Variants in PHF20 observed in about 807,000 individuals in gnomAD.
PHF20 encodes the protein glioma-expressed antigen 2.
PHF20 carries 23 observed loss-of-function variants against 113.5 expected under a neutral mutation model. The observed-to-expected ratio is 0.20, with a 90% confidence interval of 0.15 to 0.29. The LOEUF is 0.29. Ranked by LOEUF, PHF20 falls within the 10% of genes least tolerant of loss-of-function variation. The pLI, the probability that PHF20 is intolerant of heterozygous loss-of-function variation, is 1.00. For synonymous variants in PHF20, 434 were observed against 457.3 expected (o/e 0.95, Z 0.65); for missense variants, 943 against 1,219.6 (o/e 0.77, Z 3.38).
intron 10 of PHF20, among the ~76,000 whole-genome samples, 187 bp from the exon 11 acceptor site, chr20:35,913,062 C>T (rs1455720072): frequency 1.3e-5 from 2 of 152,128 alleles, no homozygotes; most frequent in African/African-American, 4.8e-5. Flanking sequence ...GGCCATGGGC[C>T]AGAGTGTGCT....
At position 35,917,575 on chromosome 20, in the gene PHF20, T is replaced by C. The variant is rs375801512; in HGVS notation, c.1917T>C (p.Asp639=). The change falls in exon 13 of 18, where the codon GAT becomes GAC. Residue 639 remains aspartate (D), a synonymous_variant. Transcript: ENST00000374012. ...GQDVDVTTNP[D]EELDGDDRYD... ...ATGTGGATGTGACCACCAACCCAGA[T>C]GAGGAACTTGATGGGGATGACCGCT... 1.5e-5 allele frequency: 25 copies of C among 1,614,000 alleles called. No homozygotes were observed. Among genetic ancestry groups the C allele is most frequent in the Non-Finnish European group, 1.9e-5 (23 of 1,179,946 alleles).
chr20:35,835,538 A>G (rs2042424791), intron 2 of PHF20, among the ~76,000 whole-genome samples: 1 of 152,236 alleles, frequency 6.6e-6, no homozygotes, highest in Admixed American at 6.5e-5. Context: ...CACCAAGTAG[A>G]GACTTATTAA....
rs531346158 is a variant in PHF20, at chr20:35,894,893, T to C, written c.1283-4477T>C. 1.8e-3 allele frequency among the ~76,000 whole-genome samples: 273 copies of C among 152,340 alleles called. 1 individual carries two copies. The highest frequency in any genetic ancestry group is 6.3e-3 in the African/African-American group (262 of 41,586). The stretch of plus-strand genomic sequence containing the variant: ...TTTTTGAGACGGAGTCTCACTCTTG[T>C]CACCCAGGCTAGAGTGCAATGGCAC... On this transcript the variant is annotated intron_variant, in intron 9 of 17. Transcript: ENST00000374012.
intron 10 of PHF20, among the ~76,000 whole-genome samples, chr20:35,912,117 A>T (rs570453654): frequency 6.6e-6 from 1 of 151,464 alleles, no homozygotes; most frequent in Non-Finnish European, 1.5e-5. Flanking sequence ...AGTAGCTGGG[A>T]TTACAGGCAC....
intron 12 of PHF20, among the ~76,000 whole-genome samples, chr20:35,916,931 T>C (rs2055414494): frequency 6.6e-6 from 1 of 152,156 alleles, no homozygotes; most frequent in African/African-American, 2.4e-5. Flanking sequence ...CCAGCTAATT[T>C]TTTTTTTCTT....
intron 9 of PHF20, among the ~76,000 whole-genome samples, chr20:35,896,799 CAA>C (rs34377497): frequency 9.6e-5 from 6 of 62,484 alleles, no homozygotes; most frequent in Non-Finnish European, 6.5e-5. Context: ...GACTCCGTCT[CAA>C]AAAAAAAAAA....
chr20:35,824,441 T>C (rs1361545625), intron 2 of PHF20, among the ~76,000 whole-genome samples: 1 of 151,994 alleles, frequency 6.6e-6, no homozygotes, highest in Non-Finnish European at 1.5e-5. Flanking sequence ...ACCCTGTCTC[T>C]ACTAAAAATA....
chr20:35,795,804 T>A (rs1482912823), intron 1 of PHF20, among the ~76,000 whole-genome samples: 1 of 152,146 alleles, frequency 6.6e-6, no homozygotes, highest in African/African-American at 2.4e-5. Flanking sequence ...ATATAGTACT[T>A]CTGTGATTTT....
chr20:35,825,000 A>G (rs2042237004), intron 2 of PHF20, among the ~76,000 whole-genome samples: 1 of 152,176 alleles, frequency 6.6e-6, no homozygotes, highest in Non-Finnish European at 1.5e-5. Context: ...GGGTATTTAC[A>G]GTGTTTCTTC....
intron 9 of PHF20, among the ~76,000 whole-genome samples, chr20:35,892,047 TTTTTTTTG>T (rs888288955): frequency 6.7e-5 from 10 of 148,610 alleles, no homozygotes; most frequent in East Asian, 3.9e-4. Flanking sequence ...TTTTTTTTGT[TTTTTTTTG>T]TTTTTTTGTT....
At chr20:35,824,287 A>G (rs1198344810) in intron 2 of PHF20, among the ~76,000 whole-genome samples, 1 of 152,016 alleles carries the variant, frequency 6.6e-6, no homozygotes, top group African/African-American at 2.4e-5. Context: ...GTTTTAAAAA[A>G]TTGAGATATA....
chr20:35,849,960 G>GAAGTTT (rs1435770811), intron 4 of PHF20, among the ~76,000 whole-genome samples: 1 of 152,186 alleles, frequency 6.6e-6, no homozygotes, highest in Non-Finnish European at 1.5e-5. Context: ...CCAGAGTGTG[G>GAAGTTT]AAGTGGCAGC....
At chr20:35,924,145 T>C (rs1263983862) in intron 13 of PHF20, among the ~76,000 whole-genome samples, 1 of 152,120 alleles carries the variant, frequency 6.6e-6, no homozygotes, top group East Asian at 1.9e-4. Context: ...TTTGTCTAAA[T>C]GCAAATGTTT....
chr20:35,863,196 T>C lies in PHF20; in HGVS notation c.604T>C (p.Cys202Arg). ...GCCTGATAAAGAAGGAAAGTTAATCTGTTCTGAAAAGGGGAAAGTGTCAGA... is the reference window on the plus strand; with the variant it reads ...GCCTGATAAAGAAGGAAAGTTAATCCGTTCTGAAAAGGGGAAAGTGTCAGA... ...KQPDKEGKLI[C>R]SEKGKVSEKS... Residue 202 changes from cysteine to arginine, a missense_variant, in exon 6 of 18, where the codon TGT (cysteine) becomes CGT (arginine). By Grantham distance (180) the Cys-to-Arg change is radical. This residue lies in a region of PHF20 where 592 missense variants were observed against 787.2 expected (regional missense o/e 0.75). Transcript: ENST00000374012. 6.2e-7 allele frequency: 1 copy of C among 1,613,234 alleles called. No homozygotes were observed.
intron 9 of PHF20, among the ~76,000 whole-genome samples, chr20:35,895,609 C>T (rs1325123911): frequency 6.6e-6 from 1 of 151,304 alleles, no homozygotes; most frequent in African/African-American, 2.4e-5. Flanking sequence ...TCTCCACTGA[C>T]ATACTTTTCC....
chr20:35,823,058 T>C (rs2042197847), intron 2 of PHF20, among the ~76,000 whole-genome samples: 1 of 151,956 alleles, frequency 6.6e-6, no homozygotes, highest in Non-Finnish European at 1.5e-5. Context: ...TTTTGACAAA[T>C]GTATAATGTA....
intron 2 of PHF20, among the ~76,000 whole-genome samples, chr20:35,827,590 C>G (rs1411253723): frequency 6.6e-6 from 1 of 151,974 alleles, no homozygotes; most frequent in Non-Finnish European, 1.5e-5. Flanking sequence ...CGAGACCATC[C>G]TGGCTAACAC....
At chr20:35,883,070 T>C (rs2054663979) in intron 9 of PHF20, among the ~76,000 whole-genome samples, 2 of 150,600 alleles carry the variant, frequency 1.3e-5, no homozygotes, top group African/African-American at 2.4e-5. Context: ...TATAATTAGC[T>C]AGGCATTGTG....
chr20:35,915,067 G>T (rs903880996), intron 12 of PHF20, among the ~76,000 whole-genome samples: 3 of 142,214 alleles, frequency 2.1e-5, no homozygotes, highest in African/African-American at 7.9e-5. Flanking sequence ...TATATATATA[G>T]ATATACACAC....
Sources: gnomAD v4.1 joint callset for allele counts (sites outside exome capture counted in the v4.1 genomes callset) on GRCh38, gnomAD v4.1.1 for gene constraint, gnomAD v4.1.1 regional missense constraint, MANE v1.5 for transcripts, NCBI Gene and HGNC (gene_info 2026-07-23, HGNC 2026-07-21) for gene names.